NAV2: variants seen among roughly 807,000 people sequenced by gnomAD.
NAV2 encodes the protein helicase, APC down-regulated 1.
A neutral mutation model predicts 223.2 loss-of-function variants in NAV2; 54 were observed. That is an observed-to-expected ratio of 0.24 (90% confidence interval 0.19 to 0.30). The LOEUF is 0.30. NAV2 is among the 10% of genes least tolerant of loss of function. The pLI is 1.00. For missense variants in NAV2, 2,806 were observed against 3,147.5 expected (o/e 0.89, Z 2.60); for synonymous variants, 1,279 against 1,239.3 (o/e 1.03, Z -0.67).
chr11:19,840,312 C>T (rs1055559336), intron 2 of NAV2, among the ~76,000 whole-genome samples: 2 of 152,084 alleles, frequency 1.3e-5, no homozygotes, highest in African/African-American at 4.8e-5. Context: ...TCAAAGAGCA[C>T]CTGACTGGGT....
At chr11:19,645,056 C>G (rs1365754916) in intron 1 of NAV2, among the ~76,000 whole-genome samples, 1 of 152,178 alleles carries the variant, frequency 6.6e-6, no homozygotes, top group Non-Finnish European at 1.5e-5. Flanking sequence ...CAACGCAAGC[C>G]TATTCTCTTA....
chr11:20,113,269 C>A (rs2062789669), intron 36 of NAV2, among the ~76,000 whole-genome samples: 1 of 152,172 alleles, frequency 6.6e-6, no homozygotes, highest in Non-Finnish European at 1.5e-5. Flanking sequence ...ATTCGTAAAG[C>A]ATTTCTCACG....
Position 19,788,210 on chromosome 11 carries a change from C to T in NAV2, c.268-44274C>T, listed in dbSNP as rs141857589. Among the ~76,000 whole-genome samples, 614 of 152,218 alleles carry T rather than the reference C, an allele frequency of 4.0e-3. 3 individuals carry two copies. Among genetic ancestry groups the T allele is most frequent in the African/African-American group, 0.014 (576 of 41,528 alleles). Reference sequence around the variant, plus strand: ...GTGTGTATTGCAGGATGTTTAGCAACGTCCCTGGCTTCTACCCATTGTAAA... The same window carrying T: ...GTGTGTATTGCAGGATGTTTAGCAATGTCCCTGGCTTCTACCCATTGTAAA... On this transcript the variant is annotated intron_variant, in intron 1 of 37. Coordinates refer to ENST00000349880, the MANE Select transcript of NAV2 (RefSeq NM_145117.5).
At chr11:19,458,037 T>TC (rs2133837673) in intron 1 of NAV2, among the ~76,000 whole-genome samples, 2 of 152,232 alleles carry the variant, frequency 1.3e-5, no homozygotes, top group East Asian at 3.9e-4. Flanking sequence ...CCCCATCTGG[T>TC]CCCCCTCCTA....
chr11:19,840,951 A>G (rs1020401432), intron 2 of NAV2, among the ~76,000 whole-genome samples: 3 of 152,212 alleles, frequency 2.0e-5, no homozygotes, highest in African/African-American at 7.2e-5. Flanking sequence ...AGCTAGCAAT[A>G]TATTCTGGCT....
intron 1 of NAV2, among the ~76,000 whole-genome samples, chr11:19,790,952 T>C (rs1362226534): frequency 2.0e-5 from 3 of 152,198 alleles, no homozygotes; most frequent in Non-Finnish European, 4.4e-5. Context: ...TAGGTGGCAA[T>C]CACTGTTCTG....
intron 1 of NAV2, among the ~76,000 whole-genome samples, chr11:19,671,890 C>G (rs1035844129): frequency 2.0e-5 from 3 of 152,190 alleles, no homozygotes; most frequent in African/African-American, 7.2e-5. Context: ...ATGCTTAGCA[C>G]TGGTCTACAT....
intron 1 of NAV2, among the ~76,000 whole-genome samples, chr11:19,672,136 C>A (rs899669676): frequency 9.9e-5 from 15 of 152,116 alleles, no homozygotes; most frequent in African/African-American, 3.4e-4. Context: ...GAGCAGGGAC[C>A]AGCACTACAT....
At chr11:19,928,603 T>TA (rs1476769592) in intron 6 of NAV2, among the ~76,000 whole-genome samples, 3 of 152,228 alleles carry the variant, frequency 2.0e-5, no homozygotes, top group Non-Finnish European at 4.4e-5. Flanking sequence ...TTTCATAGGA[T>TA]ACTAGCATTT....
chr11:19,787,808 G>A (rs2057245408), intron 1 of NAV2, among the ~76,000 whole-genome samples: 4 of 152,066 alleles, frequency 2.6e-5, no homozygotes, highest in Admixed American at 2.6e-4. Flanking sequence ...TGGGAGAAAG[G>A]GAGGGTCATA....
chr11:19,462,996 C>T (rs767674081), intron 1 of NAV2, among the ~76,000 whole-genome samples: 2 of 152,144 alleles, frequency 1.3e-5, no homozygotes, highest in Admixed American at 6.5e-5. Context: ...TTCTTTTCTT[C>T]GATAGTAACT....
chr11:19,741,457 T>C (rs2052787200), intron 1 of NAV2, among the ~76,000 whole-genome samples: 1 of 150,240 alleles, frequency 6.7e-6, no homozygotes, highest in South Asian at 2.1e-4. Flanking sequence ...ACAACTGTTC[T>C]ACTCTCTGCT....
chr11:19,923,601 A>C, intron 6 of NAV2, among the ~76,000 whole-genome samples: 2 of 152,254 alleles, frequency 1.3e-5, no homozygotes, highest in East Asian at 3.8e-4. Context: ...AGGGGCCTAC[A>C]GAATTCCTTA....
intron 1 of NAV2, among the ~76,000 whole-genome samples, chr11:19,716,142 T>C (rs577792798): frequency 2.5e-4 from 38 of 152,284 alleles, no homozygotes; most frequent in Non-Finnish European, 1.0e-4. Context: ...ATTTGGTATA[T>C]ATTATTAGAA....
chr11:19,899,578 G>A (rs551753910), intron 6 of NAV2, among the ~76,000 whole-genome samples: 5 of 152,226 alleles, frequency 3.3e-5, no homozygotes, highest in East Asian at 1.9e-4. Flanking sequence ...ACTGGTTGTC[G>A]TGACAGGCAG....
At chr11:19,544,994 C>G (rs574972521) in intron 1 of NAV2, among the ~76,000 whole-genome samples, 1 of 152,350 alleles carries the variant, frequency 6.6e-6, no homozygotes, top group East Asian at 1.9e-4. Context: ...ATGTCCCACT[C>G]TCCACCTCTC....
intron 10 of NAV2, 36 bp from the exon 11 acceptor site, chr11:19,984,089 G>A (rs750920087): frequency 1.2e-6 from 2 of 1,613,634 alleles, no homozygotes; most frequent in East Asian, 2.2e-5. Context: ...ACTTGCTTTG[G>A]ACATTCATGT....
chr11:19,800,918 T>C (rs1411939877), intron 1 of NAV2, among the ~76,000 whole-genome samples: 3 of 152,200 alleles, frequency 2.0e-5, no homozygotes, highest in African/African-American at 7.2e-5. Context: ...TGAGGCCAAA[T>C]GAACAGTAGG....
intron 13 of NAV2, among the ~76,000 whole-genome samples, 156 bp from the exon 14 acceptor site, chr11:20,044,812 C>T (rs1451296718): frequency 6.6e-6 from 1 of 152,118 alleles, no homozygotes; most frequent in African/African-American, 2.4e-5. Context: ...GCTCACGGTA[C>T]ATTAGTAGAC....
Sources: gnomAD v4.1 joint callset for allele counts (sites outside exome capture counted in the v4.1 genomes callset) on GRCh38, gnomAD v4.1.1 for gene constraint, MANE v1.5 for transcripts, NCBI Gene and HGNC (gene_info 2026-07-23, HGNC 2026-07-21) for gene names.